Variants in SGK1 observed in about 807,000 individuals in gnomAD.
SGK1 encodes serum/glucocorticoid regulated kinase 1.
A neutral mutation model predicts 64.2 loss-of-function variants in SGK1; 26 were observed. The ratio of observed to expected loss-of-function variants is 0.40; its 90% CI spans 0.30 to 0.56. The LOEUF (loss-of-function observed/expected upper bound fraction) is 0.56. Among genes scored for constraint, SGK1 ranks in the 20% least tolerant of loss-of-function variants. SGK1 has a pLI of 0.38. For missense variants in SGK1, 519 were observed against 645.6 expected (o/e 0.80, Z 2.12); for synonymous variants, 265 against 239.7 (o/e 1.11, Z -0.98).
chr6:134,258,295 C>T (rs566877234), intron 2 of SGK1, among the ~76,000 whole-genome samples: 43 of 151,972 alleles, frequency 2.8e-4, no homozygotes, highest in African/African-American at 8.7e-4. Flanking sequence ...TTTGTAGAGA[C>T]GAGTTGGTCT....
At chr6:134,240,904 G>A (rs190714057) in intron 2 of SGK1, among the ~76,000 whole-genome samples, 1 of 152,144 alleles carries the variant, frequency 6.6e-6, no homozygotes, top group African/African-American at 2.4e-5. Context: ...GTTAGTGCCC[G>A]CCGAACTCTT....
At position 134,314,019 on chromosome 6, in the gene SGK1, A is replaced by G. The variant is rs898963287; in HGVS notation, c.69+3373T>C. On this transcript the variant is annotated intron_variant, in intron 1 of 13. Transcript: ENST00000367858. The stretch of plus-strand genomic sequence containing the variant: ...ATTTTTGGAGACTCTTAAGAGTAAA[A>G]TATAATCCATATACATCTAATGCTA... Among the ~76,000 whole-genome samples, 7 of 152,230 alleles carry G rather than the reference A, an allele frequency of 4.6e-5. No individual in the cohort carries two copies. The South Asian group carries it at 8.3e-4, about 18-fold the overall frequency.
At chr6:134,251,082 A>C (rs532373310) in intron 2 of SGK1, among the ~76,000 whole-genome samples, 13 of 152,126 alleles carry the variant, frequency 8.5e-5, no homozygotes, top group Non-Finnish European at 1.9e-4. Context: ...CAGCCCTTAG[A>C]ATCTTCATAT....
chr6:134,241,541 TA>T (rs1479387828), intron 2 of SGK1, among the ~76,000 whole-genome samples: 7 of 152,202 alleles, frequency 4.6e-5, no homozygotes, highest in East Asian at 3.9e-4. Flanking sequence ...TCGGAATTTG[TA>T]AGAGTGCACA....
intron 2 of SGK1, among the ~76,000 whole-genome samples, chr6:134,222,523 A>G (rs1776106065): frequency 6.6e-6 from 1 of 151,658 alleles, no homozygotes; most frequent in South Asian, 2.1e-4. Flanking sequence ...TTTAGTAGAG[A>G]TGGGGTTTCC....
intron 2 of SGK1, among the ~76,000 whole-genome samples, chr6:134,209,974 G>A (rs993287351): frequency 6.6e-6 from 1 of 152,192 alleles, no homozygotes; most frequent in African/African-American, 2.4e-5. Context: ...ACCGTGCCAG[G>A]CCTGTGAAGC....
At chr6:134,204,863 A>G (rs1330792830) in intron 3 of SGK1, among the ~76,000 whole-genome samples, 1 of 151,988 alleles carries the variant, frequency 6.6e-6, no homozygotes, top group African/African-American at 2.4e-5. Flanking sequence ...CCGTAACATA[A>G]TTTATTTAGG....
intron 1 of SGK1, among the ~76,000 whole-genome samples, chr6:134,294,974 A>G (rs1184098341): frequency 6.6e-6 from 1 of 152,244 alleles, no homozygotes; most frequent in Non-Finnish European, 1.5e-5. Context: ...TTTATTAGTG[A>G]CAAAATTGCA....
intron 3 of SGK1, among the ~76,000 whole-genome samples, chr6:134,191,432 A>G (rs559217658): frequency 2.0e-5 from 3 of 152,306 alleles, no homozygotes; most frequent in Middle Eastern, 6.8e-3. Flanking sequence ...ATCAATCGTT[A>G]AAGTTCTTCG....
At chr6:134,288,614 C>G (rs1281720041) in intron 1 of SGK1, among the ~76,000 whole-genome samples, 2 of 152,156 alleles carry the variant, frequency 1.3e-5, no homozygotes, top group Non-Finnish European at 2.9e-5. Context: ...ATGAGGGAGC[C>G]TCTGTGAATC....
chr6:134,240,291 C>CAAA (rs148740677), intron 2 of SGK1, among the ~76,000 whole-genome samples: 26 of 84,382 alleles, frequency 3.1e-4, no homozygotes, highest in African/African-American at 1.1e-3. Context: ...GACTCCATCT[C>CAAA]AAAAAAAAAA....
chr6:134,177,714 G>A (rs779687069), intron 3 of SGK1: 2 of 1,613,970 alleles, frequency 1.2e-6, no homozygotes, highest in Admixed American at 1.7e-5. Context: ...GTTGCCCAAG[G>A]ATATGCAGGT....
intron 1 of SGK1, among the ~76,000 whole-genome samples, chr6:134,307,856 T>C (rs774150979): frequency 3.9e-4 from 60 of 152,286 alleles, no homozygotes; most frequent in Non-Finnish European, 6.3e-4. Context: ...ATATCATAAT[T>C]ACACATGGTA....
intron 1 of SGK1, among the ~76,000 whole-genome samples, chr6:134,282,750 G>C (rs1256210071): frequency 6.6e-6 from 1 of 151,730 alleles, no homozygotes; most frequent in African/African-American, 2.4e-5. Context: ...AGGTTTTCCT[G>C]AGGAATAATA....
At chr6:134,203,337 A>G (rs1229183475) in intron 3 of SGK1, among the ~76,000 whole-genome samples, 2 of 152,250 alleles carry the variant, frequency 1.3e-5, no homozygotes, top group East Asian at 3.8e-4. Context: ...GTCAACAGGT[A>G]AATTAATATT....
At chr6:134,232,042 A>AG (rs1211404666) in intron 2 of SGK1, among the ~76,000 whole-genome samples, 2 of 151,590 alleles carry the variant, frequency 1.3e-5, no homozygotes, top group African/African-American at 4.9e-5. Context: ...TCATCTCAAA[A>AG]AAAAAAAAAA....
chr6:134,229,685 G>A (rs2114711611), intron 2 of SGK1, among the ~76,000 whole-genome samples: 1 of 152,262 alleles, frequency 6.6e-6, no homozygotes, highest in Non-Finnish European at 1.5e-5. Context: ...GTTTCAGGTG[G>A]GTTCTTTCAG....
At chr6:134,257,675 T>C (rs896484480) in intron 2 of SGK1, among the ~76,000 whole-genome samples, 16 of 152,178 alleles carry the variant, frequency 1.1e-4, no homozygotes, top group African/African-American at 3.6e-4. Flanking sequence ...GCCTATCATA[T>C]GATGTTTGAG....
At chr6:134,177,957 T>C (rs1775274698) in intron 3 of SGK1, 2 of 862,694 alleles carry the variant, frequency 2.3e-6, no homozygotes, top group Non-Finnish European at 3.5e-6. Flanking sequence ...GCGACATCAC[T>C]CAGAAAATTA....
Sources: allele counts gnomAD v4.1 joint callset (sites outside exome capture counted in the v4.1 genomes callset), GRCh38; gene constraint gnomAD v4.1.1; transcripts MANE v1.5; gene names NCBI Gene and HGNC (gene_info 2026-07-23, HGNC 2026-07-21).